The following GALNT2 variants were observed in gnomAD, a reference collection of about 807,000 sequenced individuals.
The protein encoded by GALNT2 is polypeptide N-acetylgalactosaminyltransferase 2, also known as UDP-GalNAc:polypeptide N-acetylgalactosaminyltransferase 2.
A neutral mutation model predicts 81.4 loss-of-function variants in GALNT2; 31 were observed. That is an observed-to-expected ratio of 0.38 (90% CI 0.29 to 0.51). GALNT2 has a LOEUF of 0.51. GALNT2 is among the 20% of genes least tolerant of loss of function. The pLI, the probability that GALNT2 is intolerant of heterozygous loss-of-function variation, is 0.87. For synonymous variants in GALNT2, 303 were observed against 287.4 expected (o/e 1.05, Z -0.55); for missense variants, 629 against 765.7 (o/e 0.82, Z 2.11).
intron 1 of GALNT2, among the ~76,000 whole-genome samples, chr1:230,174,892 T>C (rs1338480249): frequency 1.3e-5 from 2 of 152,224 alleles, no homozygotes; most frequent in Non-Finnish European, 2.9e-5. Flanking sequence ...CATTGTTCCT[T>C]CTTGCCTCCC....
chr1:230,242,113 T>A (rs1049059381), intron 6 of GALNT2, among the ~76,000 whole-genome samples: 5 of 152,200 alleles, frequency 3.3e-5, no homozygotes, highest in Non-Finnish European at 7.3e-5. Flanking sequence ...AAGGCTACAT[T>A]GCAGTGGATT....
intron 3 of GALNT2, among the ~76,000 whole-genome samples, chr1:230,224,461 A>G (rs1480468633): frequency 6.6e-6 from 1 of 152,226 alleles, no homozygotes; most frequent in Non-Finnish European, 1.5e-5. Context: ...TATTTTCTCA[A>G]CTTTCAATAG....
intron 3 of GALNT2, among the ~76,000 whole-genome samples, chr1:230,203,618 A>G (rs1421242130): frequency 1.3e-5 from 2 of 152,220 alleles, no homozygotes; most frequent in East Asian, 1.9e-4. Context: ...TCCATTCACA[A>G]AAATGCAAAA....
At chr1:230,114,823 AT>A (rs1354189243) in intron 1 of GALNT2, among the ~76,000 whole-genome samples, 1 of 152,094 alleles carries the variant, frequency 6.6e-6, no homozygotes, top group Non-Finnish European at 1.5e-5. Flanking sequence ...AATAGGCTTT[AT>A]TTTTTAGAGC....
chr1:230,118,238 G>A (rs1660906342), intron 1 of GALNT2, among the ~76,000 whole-genome samples: 1 of 152,204 alleles, frequency 6.6e-6, no homozygotes, highest in African/African-American at 2.4e-5. Context: ...CATTTGCCTA[G>A]ATGTGTCCAT....
intron 14 of GALNT2, among the ~76,000 whole-genome samples, chr1:230,265,646 G>C (rs1023716157): frequency 1.3e-5 from 2 of 152,186 alleles, no homozygotes; most frequent in African/African-American, 4.8e-5. Context: ...GCAGGGCCCT[G>C]GTCTTCCTGC....
intron 3 of GALNT2, among the ~76,000 whole-genome samples, chr1:230,224,691 GT>G (rs1664653124): frequency 6.6e-6 from 1 of 152,252 alleles, no homozygotes; most frequent in Admixed American, 6.5e-5. Context: ...AGCGTGGAGT[GT>G]TTGGTGAGCG....
Position 230,203,364 on chromosome 1 carries a change from A to G in GALNT2, c.374+74A>G. 2.7e-6 allele frequency: 4 copies of G among 1,500,282 alleles called. No individual in the cohort carries two copies. The South Asian group carries it at 3.6e-5, about 13-fold the overall frequency. The allele number at this position is 1,500,282 out of a possible 1,614,324, so 92.9% of individuals were successfully genotyped here. On this transcript the variant is annotated intron_variant, in intron 3 of 15. Coordinates refer to ENST00000366672, the MANE Select transcript of GALNT2 (RefSeq NM_004481.5). The stretch of plus-strand genomic sequence containing the variant: ...AACCAGTACGTCGCTTTCACCTGTG[A>G]CACTAGAACTTCTCCATTACTCTGG...
At chr1:230,187,534 G>T (rs1159643144) in intron 2 of GALNT2, among the ~76,000 whole-genome samples, 1 of 152,188 alleles carries the variant, frequency 6.6e-6, no homozygotes, top group Admixed American at 6.5e-5. Context: ...GAGCCCTAGA[G>T]GGCATATGTT....
At chr1:230,089,793 T>C in intron 1 of GALNT2, among the ~76,000 whole-genome samples, 1 of 152,248 alleles carries the variant, frequency 6.6e-6, no homozygotes, top group East Asian at 1.9e-4. Context: ...CATACAACGT[T>C]GTGTTTATAC....
intron 1 of GALNT2, among the ~76,000 whole-genome samples, chr1:230,109,586 G>A (rs893218631): frequency 6.6e-6 from 1 of 152,164 alleles, no homozygotes; most frequent in Non-Finnish European, 1.5e-5. Context: ...CCAGCACTTC[G>A]GGAGGCCGAG....
chr1:230,159,732 G>A (rs923160620), intron 1 of GALNT2, among the ~76,000 whole-genome samples: 1 of 152,192 alleles, frequency 6.6e-6, no homozygotes, highest in Non-Finnish European at 1.5e-5. Context: ...AGTGCCTGTC[G>A]GTCAGCTTGA....
intron 2 of GALNT2, among the ~76,000 whole-genome samples, chr1:230,180,063 C>T (rs1333522848): frequency 6.6e-6 from 1 of 152,158 alleles, no homozygotes; most frequent in Non-Finnish European, 1.5e-5. Context: ...GGATTACAGG[C>T]ATCTGCCACC....
upstream of GALNT2, among the ~76,000 whole-genome samples, chr1:230,064,172 A>G (rs1659111357): frequency 1.3e-5 from 2 of 152,136 alleles, no homozygotes; most frequent in Non-Finnish European, 2.9e-5. Context: ...TCTGTTTTAT[A>G]TGGTATCCTT....
At chr1:230,222,119 C>T (rs773588354) in intron 3 of GALNT2, among the ~76,000 whole-genome samples, 6 of 148,316 alleles carry the variant, frequency 4.0e-5, no homozygotes, top group Non-Finnish European at 8.9e-5. Flanking sequence ...CTCTGCCTGC[C>T]GGGTTCACGC....
chr1:230,257,389 G>A lies in GALNT2; in HGVS notation c.1136+2045G>A, dbSNP rs1013562014. 1.3e-5 allele frequency among the ~76,000 whole-genome samples: 2 copies of A among 152,186 alleles called. No individual in the cohort carries two copies. Among genetic ancestry groups the A allele is most frequent in the African/African-American group, 4.8e-5 (2 of 41,434 alleles). On this transcript the variant is annotated intron_variant, in intron 11 of 15. Coordinates refer to ENST00000366672, the MANE Select transcript of GALNT2 (RefSeq NM_004481.5). The surrounding 1 kb of genome is among the most constrained non-coding windows in gnomAD (Gnocchi z 4.6). ...GATACAGTCATGCACCTGTAACAGC[G>A]TTTCGGTCGGTGACAGTAGTCCCAT...
chr1:230,207,541 G>A (rs1045777851), intron 3 of GALNT2, among the ~76,000 whole-genome samples: 4 of 152,094 alleles, frequency 2.6e-5, no homozygotes, highest in African/African-American at 7.2e-5. Context: ...TAAATACTAT[G>A]TATAAGATAT....
At chr1:230,189,424 T>C (rs750421746) in intron 2 of GALNT2, among the ~76,000 whole-genome samples, 12 of 152,190 alleles carry the variant, frequency 7.9e-5, no homozygotes, top group Non-Finnish European at 1.6e-4. Flanking sequence ...ATGGGAATGA[T>C]GAAATGTGTT....
At chr1:230,101,538 A>T (rs1368153627) in intron 1 of GALNT2, among the ~76,000 whole-genome samples, 1 of 152,246 alleles carries the variant, frequency 6.6e-6, no homozygotes. Context: ...GTCAAGACAG[A>T]TAAACAAATA....
Sources: allele counts gnomAD v4.1 joint callset (sites outside exome capture counted in the v4.1 genomes callset), GRCh38; gene constraint gnomAD v4.1.1; non-coding constraint Gnocchi (gnomAD v3.1); transcripts MANE v1.5; gene names NCBI Gene and HGNC (gene_info 2026-07-23, HGNC 2026-07-21).